Variants in WDFY4 observed in about 807,000 individuals in gnomAD.
WDFY4 encodes the protein WD repeat- and FYVE domain-containing protein 4.
Under a neutral mutation model 351.9 loss-of-function variants are expected in WDFY4, and 169 were observed. That is an observed-to-expected ratio of 0.48 (90% CI 0.42 to 0.55). WDFY4 has a LOEUF of 0.55. WDFY4 is among the 20% of genes least tolerant of loss of function. WDFY4 has a pLI of 0.00. For synonymous variants in WDFY4, 1,622 were observed against 1,574.6 expected, an observed-to-expected ratio of 1.03 and a Z score of -0.71; for missense variants, 3,803 against 3,935.6, an observed-to-expected ratio of 0.97 and a Z score of 0.90.
At chr10:48,840,463 A>G (rs2068562928) in intron 39 of WDFY4, among the ~76,000 whole-genome samples, 1 of 151,396 alleles carries the variant, frequency 6.6e-6, no homozygotes, top group Non-Finnish European at 1.5e-5. Flanking sequence ...TCACGCACAC[A>G]CACACACACC....
chr10:48,778,881 G>T, intron 18 of WDFY4, 49 bp downstream of exon 18: 8 of 1,535,350 alleles, frequency 5.2e-6, no homozygotes, highest in South Asian at 1.2e-5. Flanking sequence ...TGGGGGAAAT[G>T]GGGCTAAGTC....
rs1305164291 is a variant in WDFY4, at chr10:48,761,240, G to A, written c.2553+800G>A. Among the ~76,000 whole-genome samples the A allele has an allele frequency of 2.6e-5, 4 of 152,276 alleles. No individual in the cohort carries two copies. In the East Asian group the frequency reaches 7.7e-4, roughly 29 times the overall value. ...GGGCTCCCTGGTCAGGCGATGATGG[G>A]GATAATGGGGCATGCAGGCTTCTGG... On this transcript the variant is annotated intron_variant, in intron 13 of 61. Transcript: ENST00000325239.
At chr10:48,966,115 T>C (rs1842070094) in intron 54 of WDFY4, among the ~76,000 whole-genome samples, 1 of 152,002 alleles carries the variant, frequency 6.6e-6, no homozygotes, top group East Asian at 1.9e-4. Flanking sequence ...AGAGAGTTGG[T>C]GAGGGAAGGA....
chr10:48,733,412 C>T (rs1309911718), intron 9 of WDFY4, among the ~76,000 whole-genome samples: 1 of 152,220 alleles, frequency 6.6e-6, no homozygotes, highest in Non-Finnish European at 1.5e-5. Context: ...ATTTTGCCCT[C>T]ATGGGTCTAC....
chr10:48,914,348 G>T, intron 47 of WDFY4: 2 of 625,936 alleles, frequency 3.2e-6, no homozygotes, highest in East Asian at 2.8e-5. Context: ...ATTGCGGAGA[G>T]AAGTCAGGGC....
chr10:48,897,550 A>G lies in WDFY4; in HGVS notation c.7413A>G (p.Leu2471=), dbSNP rs1239052702. Residue 2471 remains leucine (L), a synonymous_variant, in exon 45 of 62, where the codon CTA becomes CTG. Transcript: ENST00000325239. The part of the protein sequence containing the change: ...QCHSYADMRE[L]RQARFLLQDI... ...ACAGCTACGCTGACATGCGGGAGCT[A>G]CGGCAGGCTCGCTTCCTCCTGCAGG... The G allele has an allele frequency of 2.6e-6, 4 of 1,549,498 alleles. No individual in the cohort carries two copies. The highest frequency in any genetic ancestry group is 3.5e-6 in the Non-Finnish European group (4 of 1,146,970).
At chr10:48,740,551 G>A (rs990713996) in intron 11 of WDFY4, among the ~76,000 whole-genome samples, 2 of 152,004 alleles carry the variant, frequency 1.3e-5, no homozygotes, top group East Asian at 1.9e-4. Context: ...TGCACACTGA[G>A]TACCACCATC....
At chr10:48,946,249 T>C in intron 50 of WDFY4, 92 bp downstream of exon 50, 2 of 986,556 alleles carry the variant, frequency 2.0e-6, no homozygotes, top group Non-Finnish European at 3.0e-6. Flanking sequence ...TCACCTAGCC[T>C]ACAAGTAATT....
At chr10:48,950,393 G>A (rs142226983) in intron 51 of WDFY4, among the ~76,000 whole-genome samples, 8 of 152,296 alleles carry the variant, frequency 5.3e-5, no homozygotes, top group South Asian at 2.1e-4. Context: ...CTGAGTCTGC[G>A]CCCCTGTATT....
chr10:48,915,376 C>G (rs1401792161), intron 47 of WDFY4, among the ~76,000 whole-genome samples: 1 of 151,704 alleles, frequency 6.6e-6, no homozygotes, highest in Non-Finnish European at 1.5e-5. Flanking sequence ...TTCTGGGACC[C>G]CCTTTTCTTT....
rs1268943427 is a variant in WDFY4 at position 48,787,879 on chromosome 10, TTTCTTCTTCTTCTCCTTCTTCTTC to T, written c.3809-637_3809-614del. On this transcript the variant is annotated intron_variant, in intron 20 of 61. Coordinates refer to ENST00000325239, the MANE Select transcript of WDFY4 (RefSeq NM_001394531.1). ...CTTCTTTCTTCTTCTTTCTTCTTTCTTTCTTCTTCTTCTCCTTCTTCTTCTTCTTCTTCTTCTTCTTCTTCTTCT... is the reference window on the plus strand; with the variant it reads ...CTTCTTTCTTCTTCTTTCTTCTTTCTTTCTTCTTCTTCTTCTTCTTCTTCT... Among the ~76,000 whole-genome samples, 937 of 104,394 alleles carry T rather than the reference TTTCTTCTTCTTCTCCTTCTTCTTC, an allele frequency of 9.0e-3. 68 individuals are homozygous for T. Among genetic ancestry groups the T allele is most frequent in the Middle Eastern group, 0.013 (3 of 234 alleles). 68.5% of individuals were successfully genotyped at this position (104,394 alleles called of 152,430 possible).
At chr10:48,925,559 T>C (rs553885479) in intron 47 of WDFY4, among the ~76,000 whole-genome samples, 2 of 152,198 alleles carry the variant, frequency 1.3e-5, no homozygotes, top group Non-Finnish European at 2.9e-5. Flanking sequence ...CATAAAGTGT[T>C]TTCATTTTCT....
chr10:48,877,190 T>A lies in WDFY4; in HGVS notation c.7158T>A (p.Asp2386Glu). The stretch of plus-strand genomic sequence containing the variant: ...AAGTTATTTTACAAGAGCTTCTTGA[T>A]AAAGAAAAGGTAATATACCCCATTG... ...ERQVILQELLDKEKVTQKFSL... is the reference protein window; with the variant it reads ...ERQVILQELLEKEKVTQKFSL... The change falls in exon 43 of 62, where the codon GAT becomes GAA. Residue 2386 changes from aspartate (D) to glutamate (E), a missense_variant. Physicochemically the swap from Asp to Glu is conservative, Grantham distance 45. Transcript: ENST00000325239. The A allele has an allele frequency of 6.4e-7, 1 of 1,551,560 alleles. No individual in the cohort carries two copies. Among genetic ancestry groups the A allele is most frequent in the Non-Finnish European group, 8.7e-7 (1 of 1,146,906 alleles).
chr10:48,787,906 CTTCTTCTTCTTCTTCTTCTTCTT>C (rs2066506751), intron 20 of WDFY4, among the ~76,000 whole-genome samples: 3 of 32,310 alleles, frequency 9.3e-5, no homozygotes, highest in African/African-American at 5.0e-4. Flanking sequence ...TCTTCTTCTT[CTTCTTCTTCTTCTTCTTCTTCTT>C]CTTCTTCTTC....
intron 19 of WDFY4, among the ~76,000 whole-genome samples, chr10:48,781,092 G>A (rs150919872): frequency 5.3e-4 from 80 of 152,216 alleles, no homozygotes; most frequent in African/African-American, 1.8e-3. Context: ...GGTCAAAGTT[G>A]TTCCAGGTTA....
rs10598078 is a variant in WDFY4 at position 48,931,096 on chromosome 10, AACACACACACACAC to A, written c.7587-10689_7587-10676del. Reference sequence around the variant, plus strand: ...ACACATGCATGCACACTCACACTCAAACACACACACACACACACACACACACACACACACGATTC... The same window carrying A: ...ACACATGCATGCACACTCACACTCAAACACACACACACACACACACGATTC... On this transcript the variant is annotated intron_variant, in intron 47 of 61. Transcript: ENST00000325239. Among the ~76,000 whole-genome samples the A allele has an allele frequency of 5.4e-3, 808 of 150,342 alleles. 1 individual carries two copies. Among genetic ancestry groups the A allele is most frequent in the Admixed American group, 8.1e-3 (123 of 15,108 alleles).
intron 47 of WDFY4, among the ~76,000 whole-genome samples, chr10:48,932,950 C>T (rs1840112745): frequency 6.6e-6 from 1 of 152,038 alleles, no homozygotes; most frequent in African/African-American, 2.4e-5. Flanking sequence ...TGAGCAAGGG[C>T]AGTGCAAGGT....
chr10:48,955,602 T>G (rs1471642182), intron 51 of WDFY4, among the ~76,000 whole-genome samples: 2 of 152,238 alleles, frequency 1.3e-5, no homozygotes, highest in Non-Finnish European at 2.9e-5. Flanking sequence ...TTCACTGCCT[T>G]GGGAAAAATC....
At position 48,946,961 on chromosome 10, in the gene WDFY4, G is replaced by A. The variant is rs145027517; in HGVS notation, c.7969G>A (p.Ala2657Thr). The A allele has an allele frequency of 8.8e-5, 136 of 1,549,554 alleles. No homozygotes were observed. In the African/African-American group the frequency reaches 9.6e-4, roughly 11 times the overall value. The part of the protein sequence containing the change: ...RMPPFTQAFC[A>T]LQGGSFDVAD... ...GCCACCCTTCACCCAGGCCTTCTGC[G>A]CTCTGCAGGTGAGCTGCTGCCACTC... Residue 2657 changes from alanine to threonine, a missense_variant, in exon 51 of 62, where the codon GCT (alanine) becomes ACT (threonine). Transcript: ENST00000325239.
Sources: gnomAD v4.1 joint callset for allele counts (sites outside exome capture counted in the v4.1 genomes callset) on GRCh38, gnomAD v4.1.1 for gene constraint, MANE v1.5 for transcripts, NCBI Gene and HGNC (gene_info 2026-07-23, HGNC 2026-07-21) for gene names.